The following EDEM1 variants were observed in gnomAD, a reference collection of about 807,000 sequenced individuals.
The protein encoded by EDEM1 is ER degradation enhancing alpha-mannosidase like protein 1.
EDEM1 carries 67 observed loss-of-function variants against 74.4 expected under a neutral mutation model. That is an observed-to-expected ratio of 0.90 (90% CI 0.74 to 1.10). The LOEUF is 1.10. EDEM1 is among the 50% of genes least tolerant of loss of function. The pLI is 0.00. For synonymous variants in EDEM1, 382 were observed against 335.9 expected (o/e 1.14, Z -1.50); for missense variants, 926 against 851.6 (o/e 1.09, Z -1.09).
At chr3:5,193,912 A>G (rs1375123144) in intron 1 of EDEM1, among the ~76,000 whole-genome samples, 1 of 152,180 alleles carries the variant, frequency 6.6e-6, no homozygotes, top group Non-Finnish European at 1.5e-5. Context: ...ATTTTACTAT[A>G]AATTCTTTGC....
intron 1 of EDEM1, among the ~76,000 whole-genome samples, chr3:5,189,757 C>A (rs541691753): frequency 4.6e-5 from 7 of 152,252 alleles, no homozygotes; most frequent in Admixed American, 2.0e-4. Context: ...CGTGCCACCA[C>A]GCCCGGCTAA....
chr3:5,211,348 C>A, intron 10 of EDEM1, 132 bp downstream of exon 10: 1 of 850,898 alleles, frequency 1.2e-6, no homozygotes, highest in South Asian at 1.5e-5. Context: ...AGGATGCAAA[C>A]GCTGTCAGAA....
At chr3:5,210,289 T>C in intron 9 of EDEM1, 41 bp downstream of exon 9, 1 of 1,552,552 alleles carries the variant, frequency 6.4e-7, no homozygotes, top group Non-Finnish European at 8.9e-7. Flanking sequence ...TCAGCCACTT[T>C]TAATTTATTT....
Position 5,188,280 on chromosome 3 carries a change from C to T in EDEM1, c.475C>T (p.His159Tyr), listed in dbSNP as rs549017681. The part of the protein sequence containing the change: ...AFPQDELNPI[H>Y]CRGRGPDRGD... ...CCCCCAGGACGAGCTCAACCCCATC[C>T]ACTGCCGCGGCCGTGGGCCCGACCG... The change falls in exon 1 of 12, where the codon CAC becomes TAC. Residue 159 changes from histidine (H) to tyrosine (Y), a missense_variant. Transcript: ENST00000256497. 4.3e-5 allele frequency: 66 copies of T among 1,548,248 alleles called. No individual in the cohort carries two copies. The highest frequency in any genetic ancestry group is 5.1e-5 in the Non-Finnish European group (59 of 1,147,330).
At chr3:5,197,877 T>G (rs1020534412) in intron 2 of EDEM1, among the ~76,000 whole-genome samples, 1 of 152,200 alleles carries the variant, frequency 6.6e-6, no homozygotes, top group African/African-American at 2.4e-5. Context: ...AAAAATGTAG[T>G]TAGGCACAGC....
rs146031464 is a variant in EDEM1 at position 5,191,973 on chromosome 3, A to G, written c.510-3236A>G. Among the ~76,000 whole-genome samples the G allele has an allele frequency of 1.4e-3, 209 of 152,358 alleles. 1 individual carries two copies. Among genetic ancestry groups the G allele is most frequent in the African/African-American group, 4.9e-3 (204 of 41,582 alleles). ...TCTCAACTGTATTGCTATTAAAACA[A>G]CAAAACAAATCTCAAATTAAGCCAA... On this transcript the variant is annotated intron_variant, in intron 1 of 11. Coordinates refer to ENST00000256497, the MANE Select transcript of EDEM1 (RefSeq NM_014674.3).
At chr3:5,189,264 G>A (rs1436274391) in intron 1 of EDEM1, 2 of 152,254 alleles carry the variant, frequency 1.3e-5, no homozygotes, top group African/African-American at 2.4e-5. Flanking sequence ...TCTTGGCACC[G>A]TCTGGGGCAA....
At chr3:5,201,238 A>G (rs1252250547) in intron 3 of EDEM1, among the ~76,000 whole-genome samples, 1 of 151,970 alleles carries the variant, frequency 6.6e-6, no homozygotes, top group East Asian at 1.9e-4. Context: ...GCAGTCTTCA[A>G]TTTCTAGGTT....
chr3:5,194,876 CT>C (rs1483693517), intron 1 of EDEM1, among the ~76,000 whole-genome samples: 1 of 152,124 alleles, frequency 6.6e-6, no homozygotes, highest in African/African-American at 2.4e-5. Context: ...GAAATCAGAG[CT>C]TTTTAAAGTT....
chr3:5,211,064 T>G, intron 9 of EDEM1, 56 bp from the exon 10 acceptor site: 1 of 1,494,080 alleles, frequency 6.7e-7, no homozygotes, highest in Non-Finnish European at 9.3e-7. Context: ...GCTTCTTAAG[T>G]GAATCAGCAG....
intron 10 of EDEM1, among the ~76,000 whole-genome samples, chr3:5,211,823 G>T (rs1424345215): frequency 1.3e-5 from 2 of 152,216 alleles, no homozygotes; most frequent in Non-Finnish European, 2.9e-5. Flanking sequence ...GATGGCTGTG[G>T]CAGAGCTGAG....
chr3:5,207,108 A>T, intron 6 of EDEM1, 45 bp from the exon 7 acceptor site: 1 of 1,609,230 alleles, frequency 6.2e-7, no homozygotes, highest in South Asian at 1.1e-5. Context: ...GAGATCTGTC[A>T]GTGAGCTTTC....
chr3:5,203,824 C>T lies in EDEM1; in HGVS notation c.1042+675C>T, dbSNP rs549562066. ...CTTGGCTCACTGCGGCCTCCACTTG[C>T]CGGGTTCAGTGATCCTCCCACCTCA... is the stretch of plus-strand genomic sequence containing the variant. On this transcript the variant is annotated intron_variant, in intron 5 of 11. Coordinates refer to ENST00000256497, the MANE Select transcript of EDEM1 (RefSeq NM_014674.3). 2.6e-5 allele frequency among the ~76,000 whole-genome samples: 4 copies of T among 152,232 alleles called. No homozygotes were observed. In the South Asian group the frequency reaches 8.3e-4, roughly 32 times the overall value.
At chr3:5,207,916 G>C (rs2055118091) in intron 7 of EDEM1, among the ~76,000 whole-genome samples, 177 bp from the exon 8 acceptor site, 1 of 152,202 alleles carries the variant, frequency 6.6e-6, no homozygotes, top group African/African-American at 2.4e-5. Context: ...TTAGTGGCCA[G>C]ATAGGGAGGG....
chr3:5,211,518 G>A, intron 10 of EDEM1: 1 of 306,484 alleles, frequency 3.3e-6, no homozygotes, highest in Non-Finnish European at 6.4e-6. Context: ...CAGGTGGTCG[G>A]GGAAGACGCC....
intron 2 of EDEM1, among the ~76,000 whole-genome samples, chr3:5,199,107 C>G (rs2055004992): frequency 6.6e-6 from 1 of 152,218 alleles, no homozygotes; most frequent in Admixed American, 6.5e-5. Flanking sequence ...GTTTAGGCAT[C>G]TGGATAACAA....
intron 10 of EDEM1, 180 bp downstream of exon 10, chr3:5,211,396 CT>C: frequency 1.7e-6 from 1 of 593,248 alleles, no homozygotes; most frequent in South Asian, 2.0e-5. Context: ...GGTTTCCAAC[CT>C]TGTTGAAAAG....
chr3:5,201,967 T>C, intron 4 of EDEM1, 43 bp downstream of exon 4: 1 of 1,566,468 alleles, frequency 6.4e-7, no homozygotes, highest in Non-Finnish European at 8.6e-7. Flanking sequence ...CAATTCACTA[T>C]CTTCCTGAAT....
intron 2 of EDEM1, among the ~76,000 whole-genome samples, chr3:5,196,910 G>A (rs995313033): frequency 1.3e-5 from 2 of 150,858 alleles, no homozygotes; most frequent in African/African-American, 2.5e-5. Flanking sequence ...TGTCATCGTC[G>A]TCGTCTTTTC....
Sources: gnomAD v4.1 joint callset for allele counts (sites outside exome capture counted in the v4.1 genomes callset) on GRCh38, gnomAD v4.1.1 for gene constraint, MANE v1.5 for transcripts, NCBI Gene and HGNC (gene_info 2026-07-23, HGNC 2026-07-21) for gene names.